The following OPRM1 variants were observed in gnomAD, a reference collection of about 807,000 sequenced individuals.
OPRM1 encodes mu-type opioid receptor.
OPRM1 carries 27 observed loss-of-function variants against 31.8 expected under a neutral mutation model. The observed-to-expected ratio is 0.85, with a 90% confidence interval of 0.63 to 1.17. OPRM1 has a LOEUF of 1.17. OPRM1 is among the 50% of genes most tolerant of loss of function. The pLI is 0.00. For synonymous variants in OPRM1, 196 were observed against 189.9 expected (o/e 1.03, Z -0.26); for missense variants, 536 against 511.1 (o/e 1.05, Z -0.47).
intron 3 of OPRM1, among the ~76,000 whole-genome samples, chr6:154,238,061 C>T (rs1780281225): frequency 6.6e-6 from 1 of 152,132 alleles, no homozygotes; most frequent in Admixed American, 6.5e-5. Flanking sequence ...ATAATTCTTA[C>T]AGCCATCAGA....
intron 3 of OPRM1, chr6:154,110,538 T>G (rs891978897): frequency 4.0e-5 from 26 of 652,490 alleles, no homozygotes; most frequent in Non-Finnish European, 6.9e-5. Flanking sequence ...TGCTTATGGT[T>G]GCTTAAGGGA....
At chr6:154,242,545 A>G (rs1780679760) in intron 3 of OPRM1, among the ~76,000 whole-genome samples, 2 of 152,204 alleles carry the variant, frequency 1.3e-5, no homozygotes, top group Admixed American at 6.5e-5. Context: ...TATGGAAAAC[A>G]GCAAGTCTGA....
Position 154,137,929 on chromosome 6 carries a change from G to A in OPRM1, c.1164+46457G>A, listed in dbSNP as rs545769351. On this transcript the variant is annotated intron_variant, in intron 3 of 3. Coordinates refer to the OPRM1 transcript ENST00000337049. ...CATCTTTCTGTTAAAGAGCCCTCAC[G>A]TTCATGAAGAATATTCAGAATTCAT... Among the ~76,000 whole-genome samples, 16 of 152,316 alleles carry A rather than the reference G, an allele frequency of 1.1e-4. No homozygotes were observed. The South Asian group carries it at 1.9e-3, about 18-fold the overall frequency.
At position 154,130,602 on chromosome 6, in the gene OPRM1, T is replaced by A. The variant is rs1347581729; in HGVS notation, c.*11881T>A. ...ATTTGCCTATAAATCCCCATCAATT[T>A]AATAGGAATTAAGTTAGAAATACTA... On this transcript the variant is annotated 3_prime_UTR_variant, in exon 4 of 4. Coordinates refer to ENST00000330432, the MANE Select transcript of OPRM1 (RefSeq NM_000914.5). Among the ~76,000 whole-genome samples, 1 of 152,164 alleles carries A rather than the reference T, an allele frequency of 6.6e-6. No individual in the cohort carries two copies. The highest frequency in any genetic ancestry group is 2.4e-5 in the African/African-American group (1 of 41,434).
chr6:154,182,736 C>CA (rs1458219131), intron 3 of OPRM1, among the ~76,000 whole-genome samples: 1 of 152,050 alleles, frequency 6.6e-6, no homozygotes, highest in Non-Finnish European at 1.5e-5. Flanking sequence ...GATACGAATC[C>CA]AATGCATTGT....
chr6:154,165,699 C>G (rs1799373093), intron 3 of OPRM1, among the ~76,000 whole-genome samples: 1 of 152,172 alleles, frequency 6.6e-6, no homozygotes, highest in African/African-American at 2.4e-5. Context: ...TAATCTCCTC[C>G]CTGAAAATGA....
intron 3 of OPRM1, among the ~76,000 whole-genome samples, chr6:154,152,335 G>GAAAAGA (rs762104143): frequency 0.076 from 2,576 of 33,960 alleles, 76 homozygotes; most frequent in East Asian, 0.15. Flanking sequence ...AAGAAAGAAA[G>GAAAAGA]AAAGAAAGAA....
At chr6:154,156,301 C>G (rs918881325) in intron 3 of OPRM1, 1 of 152,256 alleles carries the variant, frequency 6.6e-6, no homozygotes, top group African/African-American at 2.4e-5. Context: ...CAGGGCCAGC[C>G]GTATGCTAAG....
At chr6:154,060,422 C>T (rs2128433634) in intron 1 of OPRM1, among the ~76,000 whole-genome samples, 1 of 152,310 alleles carries the variant, frequency 6.6e-6, no homozygotes, top group Admixed American at 6.5e-5. Flanking sequence ...TCTTTCTTTG[C>T]TTCTCAAATG....
intron 3 of OPRM1, among the ~76,000 whole-genome samples, chr6:154,142,686 T>G (rs1798250732): frequency 6.6e-6 from 1 of 152,194 alleles, no homozygotes; most frequent in Admixed American, 6.5e-5. Context: ...CTCTAAAGCT[T>G]TTTAAGAAAC....
intron 3 of OPRM1, among the ~76,000 whole-genome samples, chr6:154,152,347 G>GAAAAGAAAAGAAAGAAAGAAA: frequency 1.5e-5 from 1 of 65,132 alleles, no homozygotes; most frequent in African/African-American, 5.6e-5. Context: ...AAGAAAGAAA[G>GAAAAGAAAAGAAAGAAAGAAA]GAAAGAAAGA....
intron 3 of OPRM1, chr6:154,108,721 A>AG: frequency 1.1e-6 from 1 of 936,548 alleles, no homozygotes; most frequent in Non-Finnish European, 1.3e-6. Context: ...CCTAAATCTT[A>AG]GAAGAGACTC....
chr6:154,067,899 AC>A (rs1312013625), intron 1 of OPRM1, among the ~76,000 whole-genome samples: 1 of 151,956 alleles, frequency 6.6e-6, no homozygotes, highest in Non-Finnish European at 1.5e-5. Context: ...TCACTTGTAA[AC>A]TTTTTTTATT....
intron 3 of OPRM1, among the ~76,000 whole-genome samples, chr6:154,243,820 ATC>A (rs1160520960): frequency 6.6e-6 from 1 of 152,190 alleles, no homozygotes; most frequent in Non-Finnish European, 1.5e-5. Context: ...AATTGACGCA[ATC>A]TCTCTGCATT....
intron 3 of OPRM1, among the ~76,000 whole-genome samples, chr6:154,098,505 G>A (rs896846600): frequency 6.6e-6 from 1 of 152,044 alleles, no homozygotes; most frequent in African/African-American, 2.4e-5. Context: ...AATATGAAAA[G>A]GTGCATATTT....
intron 3 of OPRM1, among the ~76,000 whole-genome samples, chr6:154,238,476 G>A (rs982928682): frequency 6.6e-6 from 1 of 152,082 alleles, no homozygotes; most frequent in African/African-American, 2.4e-5. Flanking sequence ...ATGTTGGTCA[G>A]GCTGGTCTCA....
At chr6:154,138,584 C>T (rs980247619) in intron 3 of OPRM1, among the ~76,000 whole-genome samples, 3 of 152,122 alleles carry the variant, frequency 2.0e-5, no homozygotes, top group Admixed American at 6.5e-5. Flanking sequence ...AAAATTATGA[C>T]GGAGACAGAG....
intron 3 of OPRM1, among the ~76,000 whole-genome samples, chr6:154,202,020 T>A (rs570132816): frequency 6.6e-6 from 1 of 152,222 alleles, no homozygotes; most frequent in Non-Finnish European, 1.5e-5. Flanking sequence ...TTCAGAACAG[T>A]TGACCTTCTT....
At chr6:154,041,464 A>AT (rs1293203001) in intron 1 of OPRM1, among the ~76,000 whole-genome samples, 2 of 152,170 alleles carry the variant, frequency 1.3e-5, no homozygotes, top group South Asian at 2.1e-4. Context: ...TATGTTTCTC[A>AT]TTTTTTCTAA....
Sources: allele counts gnomAD v4.1 joint callset (sites outside exome capture counted in the v4.1 genomes callset), GRCh38; gene constraint gnomAD v4.1.1; transcripts MANE v1.5; gene names NCBI Gene and HGNC (gene_info 2026-07-23, HGNC 2026-07-21).